Variants in GLYATL3 observed in about 807,000 individuals in gnomAD.
The protein encoded by GLYATL3 is glycine N-acyltransferase-like protein 3.
In GLYATL3, 31 loss-of-function variants were observed where a neutral mutation model predicts 28.5. That is an observed-to-expected ratio of 1.09 (90% CI 0.82 to 1.47). The LOEUF (loss-of-function observed/expected upper bound fraction) is 1.47, where lower values mean the gene tolerates loss of function less well. GLYATL3 is among the 40% of genes most tolerant of loss of function. The pLI is 0.00. For missense variants in GLYATL3, 369 were observed against 351.5 expected, an observed-to-expected ratio of 1.05 and a Z score of -0.40; for synonymous variants, 141 against 140.2, an observed-to-expected ratio of 1.01 and a Z score of -0.04.
At chr6:49,525,026 G>A (rs1186723219) in intron 5 of GLYATL3, among the ~76,000 whole-genome samples, 1 of 148,772 alleles carries the variant, frequency 6.7e-6, no homozygotes, top group Admixed American at 6.7e-5. Flanking sequence ...CATATGCTTG[G>A]CATATTAAGA....
chr6:49,507,529 C>A (rs1480151719), intron 1 of GLYATL3, among the ~76,000 whole-genome samples: 2 of 152,120 alleles, frequency 1.3e-5, no homozygotes, highest in African/African-American at 2.4e-5. Flanking sequence ...CATAATAGCC[C>A]TGGAATAATA....
At chr6:49,517,106 G>A (rs1401158526) in intron 3 of GLYATL3, among the ~76,000 whole-genome samples, 1 of 143,580 alleles carries the variant, frequency 7.0e-6, no homozygotes, top group Non-Finnish European at 1.5e-5. Flanking sequence ...CGCCTCCCCA[G>A]TTCAAGTGAT....
Position 49,524,968 on chromosome 6 carries a change from CAAAAAAAAA to C in GLYATL3, c.441-1505_441-1497del, listed in dbSNP as rs911424000. On this transcript the variant is annotated intron_variant, in intron 5 of 5. Coordinates refer to ENST00000371197, the MANE Select transcript of GLYATL3 (RefSeq NM_001010904.2). ...TGGGCAACAATGCGAGACTCCCTCT[CAAAAAAAAA>C]AAAAAAAAAAAAAAGAACAAACATT... 9.2e-5 allele frequency among the ~76,000 whole-genome samples: 4 copies of C among 43,672 alleles called. No homozygotes were observed. The East Asian group carries it at 2.8e-3, about 30-fold the overall frequency. The allele number at this position is 43,672 out of a possible 152,430, so 28.7% of individuals were successfully genotyped here.
chr6:49,509,440 A>G (rs992428088), intron 1 of GLYATL3, among the ~76,000 whole-genome samples: 2 of 152,210 alleles, frequency 1.3e-5, no homozygotes, highest in African/African-American at 2.4e-5. Flanking sequence ...TATTTCCTCC[A>G]TTATTCACAT....
At chr6:49,503,595 T>A (rs1768953542) in intron 1 of GLYATL3, among the ~76,000 whole-genome samples, 1 of 152,180 alleles carries the variant, frequency 6.6e-6, no homozygotes, top group Non-Finnish European at 1.5e-5. Flanking sequence ...AGGAGCCCAA[T>A]CAACAATGGT....
At chr6:49,500,925 T>G (rs1430975005) in intron 1 of GLYATL3, among the ~76,000 whole-genome samples, 1 of 152,222 alleles carries the variant, frequency 6.6e-6, no homozygotes, top group Non-Finnish European at 1.5e-5. Flanking sequence ...AAGATCCTTA[T>G]GAAATGAATC....
chr6:49,514,667 C>A (rs1581869486), intron 2 of GLYATL3, among the ~76,000 whole-genome samples: 3 of 151,810 alleles, frequency 2.0e-5, no homozygotes, highest in African/African-American at 7.3e-5. Flanking sequence ...CGCATCTCTA[C>A]AAAAAAAATT....
intron 5 of GLYATL3, among the ~76,000 whole-genome samples, chr6:49,525,248 A>C (rs959544657): frequency 2.0e-5 from 3 of 151,808 alleles, no homozygotes; most frequent in Non-Finnish European, 4.4e-5. Context: ...TGTTAAAAGA[A>C]AAACTTTAGA....
chr6:49,511,854 A>C, intron 1 of GLYATL3, 109 bp from the exon 2 acceptor site: 1 of 497,334 alleles, frequency 2.0e-6, no homozygotes, highest in Non-Finnish European at 3.6e-6. Context: ...AGGGGGAGCA[A>C]TGGCAGTCAG....
intron 1 of GLYATL3, among the ~76,000 whole-genome samples, chr6:49,511,486 G>C (rs1233262362): frequency 6.6e-6 from 1 of 152,052 alleles, no homozygotes; most frequent in Non-Finnish European, 1.5e-5. Flanking sequence ...CTTAGCTCGA[G>C]GTTCTTACCC....
In GLYATL3 at chr6:49,527,173, A is replaced by G. The variant is rs557087039; in HGVS notation, c.*259A>G. On this transcript the variant is annotated 3_prime_UTR_variant, in exon 6 of 6. Coordinates refer to ENST00000371197, the MANE Select transcript of GLYATL3 (RefSeq NM_001010904.2). ...CCTCCTGTAGGATCCACTGTAGGAG[A>G]ATAGGTTCTAAAGCCAGCAGTTTTA... The G allele has an allele frequency of 3.1e-4, 128 of 415,238 alleles. No individual in the cohort carries two copies. Among genetic ancestry groups the G allele is most frequent in the African/African-American group, 2.2e-3 (113 of 50,494 alleles). The allele number at this position is 415,238 out of a possible 1,614,324, so 25.7% of individuals were successfully genotyped here. A position where few individuals can be genotyped will look rare whatever the true frequency, so the allele number is the denominator to read the frequency against.
Position 49,524,244 on chromosome 6 carries a change from C to T in GLYATL3, c.441-2244C>T, listed in dbSNP as rs181582781. On this transcript the variant is annotated intron_variant, in intron 5 of 5. Coordinates refer to ENST00000371197, the MANE Select transcript of GLYATL3 (RefSeq NM_001010904.2). Reference sequence around the variant, plus strand: ...TCAATTGAAAATTCCATTAGGCCAGCTAATTTTTTCCCCCTGCTTAGTGGA... The same window carrying T: ...TCAATTGAAAATTCCATTAGGCCAGTTAATTTTTTCCCCCTGCTTAGTGGA... Among the ~76,000 whole-genome samples the T allele has an allele frequency of 1.4e-4, 22 of 152,210 alleles. 1 individual carries two copies. In the East Asian group the frequency reaches 3.3e-3, roughly 23 times the overall value.
At chr6:49,506,004 A>T (rs1374951562) in intron 1 of GLYATL3, among the ~76,000 whole-genome samples, 1 of 152,220 alleles carries the variant, frequency 6.6e-6, no homozygotes, top group Non-Finnish European at 1.5e-5. Flanking sequence ...TTAGATCTGT[A>T]TTTCCTGATA....
chr6:49,523,898 A>G (rs1769357712), intron 5 of GLYATL3, among the ~76,000 whole-genome samples: 4 of 152,028 alleles, frequency 2.6e-5, no homozygotes, highest in African/African-American at 9.7e-5. Flanking sequence ...TCTGTTTACT[A>G]TTGTATGCCT....
chr6:49,519,218 A>G (rs983322628), intron 4 of GLYATL3, among the ~76,000 whole-genome samples: 3 of 152,310 alleles, frequency 2.0e-5, no homozygotes, highest in African/African-American at 7.2e-5. Flanking sequence ...TCAATCCATC[A>G]TTATATAGAA....
rs1453059002 is a variant in GLYATL3 at position 49,526,532 on chromosome 6, C to T, written c.485C>T (p.Ala162Val). 1.3e-6 allele frequency: 2 copies of T among 1,551,712 alleles called. No homozygotes were observed. The highest frequency in any genetic ancestry group is 1.7e-6 in the Non-Finnish European group (2 of 1,146,984). Residue 162 changes from alanine to valine, a missense_variant, in exon 6 of 6, where the codon GCG becomes GTG. By Grantham distance (64) the Ala-to-Val change is moderately conservative (BLOSUM62 0). Coordinates refer to ENST00000371197, the MANE Select transcript of GLYATL3 (RefSeq NM_001010904.2). ...PRLTYLSVAN[A>V]DLLNRTWSRG... ...CTAACCTACCTGAGTGTTGCCAATG[C>T]GGATCTACTCAACCGGACTTGGTCC...
chr6:49,516,940 G>T (rs529416471), intron 3 of GLYATL3, among the ~76,000 whole-genome samples: 2 of 151,798 alleles, frequency 1.3e-5, no homozygotes, highest in African/African-American at 4.8e-5. Context: ...GGCGGATCAT[G>T]AGGTCAGGAG....
At chr6:49,520,566 C>T (rs1769296091) in intron 4 of GLYATL3, among the ~76,000 whole-genome samples, 1 of 152,206 alleles carries the variant, frequency 6.6e-6, no homozygotes, top group African/African-American at 2.4e-5. Flanking sequence ...ACTGAAGAGC[C>T]TTACCAGTGG....
chr6:49,515,679 T>G lies in GLYATL3; in HGVS notation c.105T>G (p.Asn35Lys). The G allele has an allele frequency of 6.4e-7, 1 of 1,550,654 alleles. No homozygotes were observed. Residue 35 changes from asparagine to lysine, a missense_variant, in exon 3 of 6, where the codon AAT becomes AAG. Coordinates refer to ENST00000371197, the MANE Select transcript of GLYATL3 (RefSeq NM_001010904.2). ...TTTACGGAGCGGTGATGAACATAAA[T>G]CGTGGGAACCCCTTTCAAAAGGAAG... is the stretch of plus-strand genomic sequence containing the variant. ...LKVYGAVMNINRGNPFQKEVV... is the reference protein window; with the variant it reads ...LKVYGAVMNIKRGNPFQKEVV...
Sources: gnomAD v4.1 joint callset for allele counts (sites outside exome capture counted in the v4.1 genomes callset) on GRCh38, gnomAD v4.1.1 for gene constraint, MANE v1.5 for transcripts, NCBI Gene and HGNC (gene_info 2026-07-23, HGNC 2026-07-21) for gene names.